RABL6: variants seen among roughly 807,000 people sequenced by gnomAD.
RABL6 encodes the protein RAB, member RAS oncogene family like 6.
A neutral mutation model predicts 72.9 loss-of-function variants in RABL6; 28 were observed. The observed-to-expected ratio is 0.38, with a 90% CI of 0.28 to 0.53. The LOEUF is 0.53. Among genes scored for constraint, RABL6 ranks in the 20% least tolerant of loss-of-function variants. The pLI is 0.80. For synonymous variants in RABL6, 477 were observed against 421.2 expected (o/e 1.13, Z -1.62); for missense variants, 1,029 against 1,008.4 (o/e 1.02, Z -0.28).
At chr9:136,817,054 A>G (rs1050361264) in intron 1 of RABL6, among the ~76,000 whole-genome samples, 2 of 152,252 alleles carry the variant, frequency 1.3e-5, no homozygotes, top group African/African-American at 2.4e-5. Flanking sequence ...ACAAAAAACC[A>G]TGAGCAGACA....
At chr9:136,832,852 C>T (rs1564369418) in intron 7 of RABL6, 2 of 315,794 alleles carry the variant, frequency 6.3e-6, no homozygotes, top group South Asian at 2.7e-5. Flanking sequence ...CCAACTTTGG[C>T]CTACGGACTA....
intron 7 of RABL6, chr9:136,833,960 T>A: frequency 6.5e-7 from 1 of 1,542,358 alleles, no homozygotes; most frequent in South Asian, 1.2e-5. Context: ...CATTCCCTAA[T>A]GGTTTGCCCT....
chr9:136,835,730 C>T lies in RABL6; in HGVS notation c.706-12C>T. 1 of 1,547,934 alleles carries T rather than the reference C, an allele frequency of 6.5e-7. No individual in the cohort carries two copies. The highest frequency in any genetic ancestry group is 8.7e-7 in the Non-Finnish European group (1 of 1,146,180). On this transcript the variant is annotated splice_polypyrimidine_tract_variant and intron_variant, in intron 7 of 14. Coordinates refer to ENST00000311502, the MANE Select transcript of RABL6 (RefSeq NM_024718.5). ...GGAGCCCTGCTCAGGCCTGCGTGCTCCCTTTCTGCAGAGGGAGACGCTGTT... is the reference window on the plus strand; with the variant it reads ...GGAGCCCTGCTCAGGCCTGCGTGCTTCCTTTCTGCAGAGGGAGACGCTGTT...
At chr9:136,836,077 TCTGA>T in intron 8 of RABL6, 1 of 471,738 alleles carries the variant, frequency 2.1e-6, no homozygotes, top group East Asian at 3.5e-5. Context: ...TGCCTGCCAC[TCTGA>T]GTACCGCTGA....
At chr9:136,819,603 CATT>C (rs1364762439) in intron 1 of RABL6, among the ~76,000 whole-genome samples, 2 of 152,136 alleles carry the variant, frequency 1.3e-5, no homozygotes, top group African/African-American at 4.8e-5. Flanking sequence ...ACTAGGTAAA[CATT>C]AACCATAAGA....
intron 1 of RABL6, among the ~76,000 whole-genome samples, chr9:136,819,240 T>A (rs1588352443): frequency 6.8e-6 from 1 of 147,710 alleles, no homozygotes; most frequent in Non-Finnish European, 1.5e-5. Context: ...GAGAATGGCG[T>A]GAACCCGGGA....
At position 136,841,107 on chromosome 9, in the gene RABL6, A is replaced by C. The variant is rs1848689745; in HGVS notation, c.*585A>C. ...AGTGGCCTCAGCTGCGCCCCCGCTCAGGTGAGCCCGAAGGCAGGAGCCGGG... is the reference window on the plus strand; with the variant it reads ...AGTGGCCTCAGCTGCGCCCCCGCTCCGGTGAGCCCGAAGGCAGGAGCCGGG... On this transcript the variant is annotated 3_prime_UTR_variant, in exon 15 of 15. Coordinates refer to ENST00000311502, the MANE Select transcript of RABL6 (RefSeq NM_024718.5). 1 of 1,333,508 alleles carries C rather than the reference A, an allele frequency of 7.5e-7. No individual in the cohort carries two copies. Among genetic ancestry groups the C allele is most frequent in the East Asian group, 2.7e-5 (1 of 36,384 alleles). The allele number at this position is 1,333,508 out of a possible 1,614,324, so 82.6% of individuals were successfully genotyped here. A position where few individuals can be genotyped will look rare whatever the true frequency, so the allele number is the denominator to read the frequency against.
intron 1 of RABL6, among the ~76,000 whole-genome samples, chr9:136,818,857 G>A (rs1273165795): frequency 6.6e-6 from 1 of 152,174 alleles, no homozygotes; most frequent in South Asian, 2.1e-4. Context: ...AGCCCAGGGT[G>A]AAGCTGGACA....
chr9:136,836,130 GC>G, intron 8 of RABL6: 1 of 352,472 alleles, frequency 2.8e-6, no homozygotes, highest in Non-Finnish European at 5.2e-6. Context: ...TGCTGCTGGG[GC>G]TGCCTGCCCA....
intron 13 of RABL6, 99 bp from the exon 14 acceptor site, chr9:136,840,055 T>C: frequency 6.4e-7 from 1 of 1,560,892 alleles, no homozygotes; most frequent in Non-Finnish European, 8.8e-7. Context: ...CCTGGAGGGC[T>C]GGGGCTCGCT....
chr9:136,811,265 G>C (rs114878141), intron 1 of RABL6, among the ~76,000 whole-genome samples: 4 of 152,242 alleles, frequency 2.6e-5, no homozygotes, highest in African/African-American at 9.6e-5. Context: ...TGTTGATTTG[G>C]TCCACAAAGG....
At chr9:136,812,943 G>C in intron 1 of RABL6, 2 of 349,758 alleles carry the variant, frequency 5.7e-6, no homozygotes, top group Non-Finnish European at 1.1e-5. Context: ...CCTTAGGTTT[G>C]GCCCAGTCCA....
chr9:136,822,944 T>C (rs538745621), intron 1 of RABL6, among the ~76,000 whole-genome samples: 3 of 151,054 alleles, frequency 2.0e-5, no homozygotes, highest in Admixed American at 6.6e-5. Context: ...AAAAATTAGC[T>C]GGACATGGTG....
intron 1 of RABL6, chr9:136,822,196 G>GC (rs1409368562): frequency 1.6e-5 from 15 of 912,778 alleles, no homozygotes; most frequent in Admixed American, 7.0e-5. Context: ...AGAAAACCTG[G>GC]GGGGGGCGTT....
At chr9:136,839,197 A>T (rs2131206712) in intron 11 of RABL6, 25 bp from the exon 12 acceptor site, 1 of 1,596,102 alleles carries the variant, frequency 6.3e-7, no homozygotes, top group East Asian at 2.3e-5. Flanking sequence ...GAGGACCCTG[A>T]CTGACCCTCT....
chr9:136,816,472 T>C (rs926198201), intron 1 of RABL6, among the ~76,000 whole-genome samples: 37 of 149,954 alleles, frequency 2.5e-4, no homozygotes, highest in African/African-American at 8.5e-4. Flanking sequence ...CCCAGCACTT[T>C]GGGAGGCCGA....
At chr9:136,825,963 C>A (rs1379778611) in intron 3 of RABL6, 137 bp downstream of exon 3, 4 of 1,046,824 alleles carry the variant, frequency 3.8e-6, no homozygotes, top group African/African-American at 1.6e-5. Flanking sequence ...CTGCTCTGCT[C>A]CCCTCCACAT....
At position 136,828,533 on chromosome 9, in the gene RABL6, A is replaced by G; in HGVS notation, c.353A>G (p.Asn118Ser). ...CGAGGCGACGGCTTAAAGATGGAGA[A>G]CGACCCCCAGGAGGTGAGTGCCAGG... ...KKRGDGLKME[N>S]DPQEAESEMA... Residue 118 changes from asparagine to serine, a missense_variant, in exon 4 of 15, where the codon AAC (asparagine) becomes AGC (serine). Coordinates refer to ENST00000311502, the MANE Select transcript of RABL6 (RefSeq NM_024718.5). 6.2e-7 allele frequency: 1 copy of G among 1,613,290 alleles called. No homozygotes were observed. The highest frequency in any genetic ancestry group is 8.5e-7 in the Non-Finnish European group (1 of 1,179,772).
At chr9:136,821,975 T>C (rs1047601972) in intron 1 of RABL6, 25 of 1,288,600 alleles carry the variant, frequency 1.9e-5, no homozygotes, top group Non-Finnish European at 2.2e-5. Flanking sequence ...ACCAGAGGCG[T>C]TGAAAGTTGG....
Sources: allele counts gnomAD v4.1 joint callset (sites outside exome capture counted in the v4.1 genomes callset), GRCh38; gene constraint gnomAD v4.1.1; transcripts MANE v1.5; gene names NCBI Gene and HGNC (gene_info 2026-07-23, HGNC 2026-07-21).